C2CD2: variants seen among roughly 807,000 people sequenced by gnomAD.
C2CD2 encodes C2 calcium dependent domain containing 2.
C2CD2 carries 43 observed loss-of-function variants against 74.3 expected under a neutral mutation model. That is an observed-to-expected ratio of 0.58 (90% CI 0.45 to 0.75). The LOEUF is 0.75. Among genes scored for constraint, C2CD2 ranks in the 30% least tolerant of loss-of-function variants. C2CD2 has a pLI of 0.00. For missense variants in C2CD2, 801 were observed against 916.3 expected, an observed-to-expected ratio of 0.87 and a Z score of 1.63; for synonymous variants, 422 against 390.7, an observed-to-expected ratio of 1.08 and a Z score of -0.94.
At chr21:41,898,103 C>A (rs1028672771) in intron 13 of C2CD2, among the ~76,000 whole-genome samples, 1 of 152,214 alleles carries the variant, frequency 6.6e-6, no homozygotes, top group Non-Finnish European at 1.5e-5. Flanking sequence ...CCCAAGGAGC[C>A]CCTTCGATTT....
intron 13 of C2CD2, among the ~76,000 whole-genome samples, chr21:41,896,209 T>C (rs2064820474): frequency 6.6e-6 from 1 of 152,226 alleles, no homozygotes; most frequent in Non-Finnish European, 1.5e-5. Context: ...TAACTTACTG[T>C]GCAGGCAATT....
intron 3 of C2CD2, among the ~76,000 whole-genome samples, chr21:41,921,689 C>T (rs965533297): frequency 2.6e-5 from 4 of 152,140 alleles, no homozygotes; most frequent in African/African-American, 4.8e-5. Context: ...TTATCATATC[C>T]GTCAACAACA....
Position 41,889,017 on chromosome 21 carries a change from A to G in C2CD2, c.*107T>C, listed in dbSNP as rs758279179. ...ACGAGATGGTTGGAAGAAACCCAGC[A>G]AGACAAGCGGGGCATCTGGACATCC... On this transcript the variant is annotated 3_prime_UTR_variant, in exon 14 of 14. Coordinates refer to ENST00000380486, the MANE Select transcript of C2CD2 (RefSeq NM_015500.2). The G allele has an allele frequency of 1.2e-6, 1 of 812,532 alleles. No homozygotes were observed. Among genetic ancestry groups the G allele is most frequent in the Non-Finnish European group, 2.1e-6 (1 of 485,284 alleles). 50.3% of individuals were successfully genotyped at this position (812,532 alleles called of 1,614,324 possible).
In C2CD2 at chr21:41,914,699, G is replaced by C; in HGVS notation, c.743C>G (p.Thr248Ser). ...EAQNLQCAAS[T>S]AQESCPPKPP... is the part of the protein sequence containing the mutation. ...TTTAGGAGGACAGGATTCCTGAGCA[G>C]TAGATGCAGCACACTGTAAGTTCTG... The change falls in exon 6 of 14, where the codon ACT (threonine) becomes AGT (serine). Residue 248 changes from threonine (T) to serine (S), a missense_variant. By Grantham distance (58) the Thr-to-Ser change is moderately conservative. Transcript: ENST00000380486. The C allele has an allele frequency of 6.2e-7, 1 of 1,613,628 alleles. No individual in the cohort carries two copies. Among genetic ancestry groups the C allele is most frequent in the Admixed American group, 1.7e-5 (1 of 60,004 alleles).
intron 7 of C2CD2, 37 bp downstream of exon 7, chr21:41,912,295 C>T (rs1283266589): frequency 1.5e-6 from 2 of 1,314,390 alleles, no homozygotes; most frequent in Admixed American, 1.7e-5. Context: ...ACAGACACGG[C>T]CGTGGACACA....
Position 41,914,582 on chromosome 21 carries a change from T to C in C2CD2, c.844+16A>G. ...GAAGAGCCCCTCCAGGCAGGCAGGC[T>C]CCCATCGTCACCCACCTGAGGCACC... On this transcript the variant is annotated intron_variant, in intron 6 of 13. Transcript: ENST00000380486. 6.2e-7 allele frequency: 1 copy of C among 1,611,300 alleles called. No individual in the cohort carries two copies. The highest frequency in any genetic ancestry group is 8.5e-7 in the Non-Finnish European group (1 of 1,178,788).
At chr21:41,905,868 G>C in intron 10 of C2CD2, 31 bp from the exon 11 acceptor site, 1 of 1,201,542 alleles carries the variant, frequency 8.3e-7, no homozygotes, top group South Asian at 1.2e-5. Flanking sequence ...TTACAAAAGC[G>C]GCCCCGTGGC....
intron 10 of C2CD2, 136 bp downstream of exon 10, chr21:41,906,856 T>C (rs528345207): frequency 3.2e-6 from 2 of 634,054 alleles, no homozygotes; most frequent in Non-Finnish European, 5.5e-6. Context: ...GTGTGGCCAA[T>C]TAGCACCCTT....
chr21:41,948,864 C>T (rs953410913), intron 1 of C2CD2, among the ~76,000 whole-genome samples: 1 of 52,934 alleles, frequency 1.9e-5, no homozygotes, highest in Non-Finnish European at 5.2e-5. Context: ...CAAGTCCACA[C>T]AGCATCTTTT....
chr21:41,913,716 C>T (rs1015815140), intron 6 of C2CD2, among the ~76,000 whole-genome samples: 11 of 152,216 alleles, frequency 7.2e-5, no homozygotes, highest in African/African-American at 2.7e-4. Flanking sequence ...TTAACATACT[C>T]GGGCAATACA....
At position 41,929,262 on chromosome 21, in the gene C2CD2, C is replaced by T. The variant is rs1053588965; in HGVS notation, c.379-7177G>A. 6.6e-6 allele frequency among the ~76,000 whole-genome samples: 1 copy of T among 152,198 alleles called. No individual in the cohort carries two copies. The highest frequency in any genetic ancestry group is 2.4e-5 in the African/African-American group (1 of 41,452). On this transcript the variant is annotated intron_variant, in intron 2 of 13. Coordinates refer to ENST00000380486, the MANE Select transcript of C2CD2 (RefSeq NM_015500.2). This position sits in a 1 kb window ranked among gnomAD's most constrained non-coding sequence, Gnocchi z 4.6. Reference sequence around the variant, plus strand: ...TTGGCCAAGTGACTGCACCTCTCTGCCTCAGTTTCTCCTTCTGTACAGTGG... The same window carrying T: ...TTGGCCAAGTGACTGCACCTCTCTGTCTCAGTTTCTCCTTCTGTACAGTGG...
At chr21:41,941,475 G>T (rs1241066861) in intron 2 of C2CD2, among the ~76,000 whole-genome samples, 1 of 152,178 alleles carries the variant, frequency 6.6e-6, no homozygotes, top group Middle Eastern at 3.2e-3. Flanking sequence ...TAAACTGTTA[G>T]CAACAGGAAA....
intron 4 of C2CD2, 129 bp downstream of exon 4, chr21:41,918,727 A>G (rs993142886): frequency 2.8e-6 from 2 of 713,344 alleles, no homozygotes; most frequent in African/African-American, 3.5e-5. Context: ...AGCCAGCCCC[A>G]GGAGGAGTGG....
At position 41,914,674 on chromosome 21, in the gene C2CD2, T is replaced by C; in HGVS notation, c.768A>G (p.Lys256=). The C allele has an allele frequency of 6.2e-7, 1 of 1,612,940 alleles. No individual in the cohort carries two copies. Among genetic ancestry groups the C allele is most frequent in the African/African-American group, 1.3e-5 (1 of 74,970 alleles). ...ASTAQESCPP[K]PPRAHELKLL... is the part of the protein sequence containing the mutation. ...GCTTCAGCTCGTGAGCCCTTGGAGG[T>C]TTAGGAGGACAGGATTCCTGAGCAG... Residue 256 remains lysine, a synonymous_variant, in exon 6 of 14, where the codon AAA becomes AAG. Transcript: ENST00000380486.
Position 41,939,984 on chromosome 21 carries a change from T to C in C2CD2, c.378+2163A>G, listed in dbSNP as rs558925649. Among the ~76,000 whole-genome samples the C allele has an allele frequency of 1.2e-4, 19 of 152,246 alleles. No homozygotes were observed. Among genetic ancestry groups the C allele is most frequent in the Admixed American group, 5.2e-4 (8 of 15,286 alleles). Reference sequence around the variant, plus strand: ...GGACTGAGCATCCCGAATCCGAACATCCCAAATCTGAAACGCTCCAAAATC... The same window carrying C: ...GGACTGAGCATCCCGAATCCGAACACCCCAAATCTGAAACGCTCCAAAATC... On this transcript the variant is annotated intron_variant, in intron 2 of 13. Coordinates refer to ENST00000380486, the MANE Select transcript of C2CD2 (RefSeq NM_015500.2). This position sits in a 1 kb window ranked among gnomAD's most constrained non-coding sequence, Gnocchi z 5.5.
chr21:41,914,524 C>G, intron 6 of C2CD2, 74 bp downstream of exon 6: 1 of 1,364,698 alleles, frequency 7.3e-7, no homozygotes, highest in South Asian at 1.4e-5. Flanking sequence ...GAATCCAAGG[C>G]CCCCCGGAGC....
chr21:41,904,122 G>A (rs936713020), intron 11 of C2CD2, among the ~76,000 whole-genome samples: 5 of 152,234 alleles, frequency 3.3e-5, no homozygotes, highest in African/African-American at 1.2e-4. Context: ...TAAAGAAGCC[G>A]GCCACAACCT....
intron 2 of C2CD2, among the ~76,000 whole-genome samples, chr21:41,934,045 T>TA (rs879852378): frequency 1.6e-4 from 23 of 146,260 alleles, no homozygotes; most frequent in South Asian, 1.1e-3. Flanking sequence ...GATAGATGGT[T>TA]AAAAAAAAAA....
Position 41,942,119 on chromosome 21 carries a change from C to A in C2CD2, c.378+28G>T, listed in dbSNP as rs145300862. On this transcript the variant is annotated intron_variant, in intron 2 of 13. Coordinates refer to ENST00000380486, the MANE Select transcript of C2CD2 (RefSeq NM_015500.2). The stretch of plus-strand genomic sequence containing the variant: ...GTCCCCGGCATCAAGTTCACCTCTT[C>A]CTGCAGGGAATGGGCTCCTGGGCTC... 4.5e-6 allele frequency: 7 copies of A among 1,548,052 alleles called. No individual in the cohort carries two copies. In the East Asian group the frequency reaches 1.7e-4, roughly 38 times the overall value.
Sources: gnomAD v4.1 joint callset for allele counts (sites outside exome capture counted in the v4.1 genomes callset) on GRCh38, gnomAD v4.1.1 for gene constraint, Gnocchi (gnomAD v3.1) non-coding constraint, MANE v1.5 for transcripts, NCBI Gene and HGNC (gene_info 2026-07-23, HGNC 2026-07-21) for gene names.